The following PCDHGB7 variants were observed in gnomAD, a reference collection of about 807,000 sequenced individuals.
PCDHGB7 encodes the protein protocadherin gamma subfamily B, 7.
In PCDHGB7, 37 loss-of-function variants were observed where a neutral mutation model predicts 61.4. That is an observed-to-expected ratio of 0.60 (90% CI 0.46 to 0.79). The LOEUF is 0.79. PCDHGB7 is among the 30% of genes least tolerant of loss of function. The pLI is 0.00. For synonymous variants in PCDHGB7, 464 were observed against 503.5 expected (o/e 0.92, Z 1.05); for missense variants, 1,166 against 1,202.5 (o/e 0.97, Z 0.45).
intron 1 of PCDHGB7, 163 bp downstream of exon 1, chr5:141,420,437 T>G (rs2096496377): frequency 4.5e-6 from 5 of 1,109,618 alleles, no homozygotes; most frequent in Admixed American, 3.7e-5. Context: ...TTAAATTAAA[T>G]GCCTCAGTCT....
At chr5:141,504,340 G>C (rs1240423982) in intron 2 of PCDHGB7, among the ~76,000 whole-genome samples, 1 of 152,062 alleles carries the variant, frequency 6.6e-6, no homozygotes, top group Non-Finnish European at 1.5e-5. Flanking sequence ...CAAGTGCTAG[G>C]CTTTGTGCTA....
rs752341952 is a variant in PCDHGB7 at position 141,431,380 on chromosome 5, T to C, written c.2415+11106T>C. 10 of 1,613,902 alleles carry C rather than the reference T, an allele frequency of 6.2e-6. No homozygotes were observed. The highest frequency in any genetic ancestry group is 8.5e-6 in the Non-Finnish European group (10 of 1,180,024). ...CCCTGGACCGCGAAGAAAAGGCTGCTCACCACCTGGTCCTTACGGCCTCCG... is the reference window on the plus strand; with the variant it reads ...CCCTGGACCGCGAAGAAAAGGCTGCCCACCACCTGGTCCTTACGGCCTCCG... On this transcript the variant is annotated intron_variant, in intron 1 of 3. Transcript: ENST00000398594. The surrounding 1 kb of genome is among the most constrained non-coding windows in gnomAD (Gnocchi z 4.8).
Position 141,431,142 on chromosome 5 carries a change from A to G in PCDHGB7, c.2415+10868A>G. ...GAAGTAGAAGTAAGGGACATTAACG[A>G]CAATGCGCCTTACTTTCGTGAAAGT... On this transcript the variant is annotated intron_variant, in intron 1 of 3. Coordinates refer to ENST00000398594, the MANE Select transcript of PCDHGB7 (RefSeq NM_018927.4). This position sits in a 1 kb window ranked among gnomAD's most constrained non-coding sequence, Gnocchi z 4.8. 1 of 1,614,240 alleles carries G rather than the reference A, an allele frequency of 6.2e-7. No individual in the cohort carries two copies. Among genetic ancestry groups the G allele is most frequent in the Non-Finnish European group, 8.5e-7 (1 of 1,180,024 alleles).
In PCDHGB7 at chr5:141,419,568, A is replaced by T; in HGVS notation, c.1709A>T (p.Asp570Val). The T allele has an allele frequency of 1.2e-6, 2 of 1,611,742 alleles. No homozygotes were observed. The highest frequency in any genetic ancestry group is 2.7e-5 in the African/African-American group (2 of 75,018). Residue 570 changes from aspartate to valine, a missense_variant, in exon 1 of 4, where the codon GAC (aspartate) becomes GTC (valine). By Grantham distance (152) the Asp-to-Val change is radical. Coordinates refer to ENST00000398594, the MANE Select transcript of PCDHGB7 (RefSeq NM_018927.4). ...GTGCTGTACCCTGCGCTGGGTCCCG[A>T]CGGCTCCGCGCTCTTCGACACAGTG... ...PRVLYPALGP[D>V]GSALFDTVPR... is the part of the protein sequence containing the mutation.
intron 1 of PCDHGB7, among the ~76,000 whole-genome samples, chr5:141,481,710 T>C (rs1447483213): frequency 6.6e-6 from 1 of 151,556 alleles, no homozygotes; most frequent in Non-Finnish European, 1.5e-5. Context: ...TCCCAGCACT[T>C]TGGGAGGCGG....
rs2099699514 is a variant in PCDHGB7 at position 141,490,385 on chromosome 5, A to G, written c.2416-4422A>G. 1 of 1,614,190 alleles carries G rather than the reference A, an allele frequency of 6.2e-7. No individual in the cohort carries two copies. Among genetic ancestry groups the G allele is most frequent in the African/African-American group, 1.3e-5 (1 of 75,032 alleles). ...GTGCGAGACCGGGACTCAGGTAGAA[A>G]TGGTGAAGTGAGCCTTGATATCTCT... On this transcript the variant is annotated intron_variant, in intron 1 of 3. Coordinates refer to ENST00000398594, the MANE Select transcript of PCDHGB7 (RefSeq NM_018927.4). This position sits in a 1 kb window ranked among gnomAD's most constrained non-coding sequence, Gnocchi z 5.4.
intron 1 of PCDHGB7, chr5:141,422,667 G>A (rs1283968031): frequency 1.9e-6 from 3 of 1,607,536 alleles, no homozygotes; most frequent in South Asian, 1.1e-5. Context: ...CCCTCGACCC[G>A]GACAGCAAAC....
intron 1 of PCDHGB7, among the ~76,000 whole-genome samples, chr5:141,444,175 TTTTTTTTTTTTTTG>T (rs2098423325): frequency 7.6e-6 from 1 of 131,192 alleles, no homozygotes; most frequent in African/African-American, 3.0e-5. Flanking sequence ...TTTTTTTTTT[TTTTTTTTTTTTTTG>T]AGATGGAGTT....
chr5:141,485,446 C>A lies in PCDHGB7; in HGVS notation c.2416-9361C>A. On this transcript the variant is annotated intron_variant, in intron 1 of 3. Transcript: ENST00000398594. This position sits in a 1 kb window ranked among gnomAD's most constrained non-coding sequence, Gnocchi z 5.7. ...CCCTGCTCATCAAGAACCCAATCGA[C>A]CGAGAGGCACTGTGTGGGCTCAGTG... is the stretch of plus-strand genomic sequence containing the variant. 6.2e-7 allele frequency: 1 copy of A among 1,614,156 alleles called. No individual in the cohort carries two copies. The highest frequency in any genetic ancestry group is 8.5e-7 in the Non-Finnish European group (1 of 1,180,018).
At chr5:141,478,287 G>C (rs777542913) in intron 1 of PCDHGB7, 1 of 1,614,154 alleles carries the variant, frequency 6.2e-7, no homozygotes, top group South Asian at 1.1e-5. Context: ...AAGCAGTCTA[G>C]AGACCTATAC....
intron 1 of PCDHGB7, among the ~76,000 whole-genome samples, chr5:141,452,284 C>G (rs1182155879): frequency 6.6e-6 from 1 of 152,112 alleles, no homozygotes; most frequent in Non-Finnish European, 1.5e-5. Context: ...TTCTTACTTT[C>G]TGATATAAGA....
chr5:141,422,790 C>G, intron 1 of PCDHGB7: 1 of 1,614,060 alleles, frequency 6.2e-7, no homozygotes, highest in South Asian at 1.1e-5. Context: ...TACAATCCTT[C>G]GACTATGAGC....
At chr5:141,463,847 G>T (rs922334975) in intron 1 of PCDHGB7, among the ~76,000 whole-genome samples, 9 of 152,158 alleles carry the variant, frequency 5.9e-5, no homozygotes, top group African/African-American at 2.2e-4. Context: ...TGTTATAGTG[G>T]TATATCTGGT....
chr5:141,446,482 C>A (rs961785845), intron 1 of PCDHGB7, among the ~76,000 whole-genome samples: 2 of 146,988 alleles, frequency 1.4e-5, no homozygotes, highest in Non-Finnish European at 3.0e-5. Flanking sequence ...GGTCATCATT[C>A]TTTTTTTTTT....
At position 141,436,706 on chromosome 5, in the gene PCDHGB7, A is replaced by G. The variant is rs149478256; in HGVS notation, c.2415+16432A>G. 3.9e-3 allele frequency among the ~76,000 whole-genome samples: 587 copies of G among 152,318 alleles called. 6 individuals are homozygous for G. Among genetic ancestry groups the G allele is most frequent in the Admixed American group, 0.011 (169 of 15,304 alleles). On this transcript the variant is annotated intron_variant, in intron 1 of 3. Transcript: ENST00000398594. ...TATATTTTCAATGCCAGCACACTCG[A>G]TGTTCTGTTGGGAAAAATAATAATG...
At chr5:141,457,393 T>G (rs1299068071) in intron 1 of PCDHGB7, among the ~76,000 whole-genome samples, 1 of 152,228 alleles carries the variant, frequency 6.6e-6, no homozygotes, top group African/African-American at 2.4e-5. Flanking sequence ...AGCATATTGA[T>G]TCACATTTTC....
At chr5:141,510,450 T>G (rs1273211856) in intron 3 of PCDHGB7, among the ~76,000 whole-genome samples, 1 of 151,946 alleles carries the variant, frequency 6.6e-6, no homozygotes, top group Non-Finnish European at 1.5e-5. Flanking sequence ...CAGGAGCCCA[T>G]GGTCTAGTGT....
rs568472427 is a variant in PCDHGB7, at chr5:141,460,924, A to G, written c.2416-33883A>G. 3.3e-4 allele frequency among the ~76,000 whole-genome samples: 50 copies of G among 150,592 alleles called. No homozygotes were observed. The East Asian group carries it at 6.6e-3, about 20-fold the overall frequency. Reference sequence around the variant, plus strand: ...AATATTCCATGGTGTATATATATATATGTGTGTGTGTATATATATGTATTA... The same window carrying G: ...AATATTCCATGGTGTATATATATATGTGTGTGTGTGTATATATATGTATTA... On this transcript the variant is annotated intron_variant, in intron 1 of 3. Coordinates refer to ENST00000398594, the MANE Select transcript of PCDHGB7 (RefSeq NM_018927.4).
chr5:141,467,042 G>T (rs2099134710), intron 1 of PCDHGB7, among the ~76,000 whole-genome samples: 1 of 149,884 alleles, frequency 6.7e-6, no homozygotes. Context: ...TTTGTGTAAT[G>T]AATCAATGTT....
Sources: gnomAD v4.1 joint callset for allele counts (sites outside exome capture counted in the v4.1 genomes callset) on GRCh38, gnomAD v4.1.1 for gene constraint, Gnocchi (gnomAD v3.1) non-coding constraint, MANE v1.5 for transcripts, NCBI Gene and HGNC (gene_info 2026-07-23, HGNC 2026-07-21) for gene names.